The following PACC1 variants were observed in gnomAD, a reference collection of about 807,000 sequenced individuals.
PACC1 encodes the protein proton-activated chloride channel.
Under a neutral mutation model 39.7 loss-of-function variants are expected in PACC1, and 34 were observed. The ratio of observed to expected loss-of-function variants is 0.86; its 90% CI spans 0.65 to 1.14. The LOEUF (loss-of-function observed/expected upper bound fraction) is 1.14. Among genes scored for constraint, PACC1 ranks in the 50% most tolerant of loss-of-function variants. The pLI, the probability that PACC1 is intolerant of heterozygous loss-of-function variation, is 0.00. For missense variants in PACC1, 379 were observed against 436.4 expected (o/e 0.87, Z 1.17); for synonymous variants, 127 against 160.6 (o/e 0.79, Z 1.58).
At chr1:212,382,063 G>A (rs999295570) in intron 4 of PACC1, among the ~76,000 whole-genome samples, 3 of 151,078 alleles carry the variant, frequency 2.0e-5, no homozygotes, top group Admixed American at 6.6e-5. Context: ...TTTTGAGACG[G>A]TGTCTCGCTC....
At chr1:212,391,713 C>A (rs1661325450) in intron 2 of PACC1, among the ~76,000 whole-genome samples, 1 of 152,078 alleles carries the variant, frequency 6.6e-6, no homozygotes, top group Admixed American at 6.6e-5. Flanking sequence ...AGACGAATGG[C>A]TAACTAGAAT....
intron 6 of PACC1, among the ~76,000 whole-genome samples, chr1:212,376,443 C>T (rs758355741): frequency 1.3e-5 from 2 of 152,150 alleles, no homozygotes; most frequent in African/African-American, 2.4e-5. Flanking sequence ...AGTTTTCACC[C>T]TTTGGTTTCG....
intron 7 of PACC1, among the ~76,000 whole-genome samples, chr1:212,371,985 T>C (rs1438555226): frequency 6.6e-6 from 1 of 152,100 alleles, no homozygotes; most frequent in Non-Finnish European, 1.5e-5. Context: ...CATACTATCA[T>C]GATAAAAACT....
chr1:212,410,197 C>T, intron 2 of PACC1: 1 of 536,114 alleles, frequency 1.9e-6, no homozygotes, highest in Non-Finnish European at 3.4e-6. Context: ...TATGCAATGA[C>T]CTGACCTCAG....
At position 212,414,872 on chromosome 1, in the gene PACC1, A is replaced by C. The variant is rs986247546; in HGVS notation, c.-115T>G. 3.2e-5 allele frequency: 45 copies of C among 1,394,480 alleles called. No individual in the cohort carries two copies. Among genetic ancestry groups the C allele is most frequent in the Middle Eastern group, 1.8e-4 (1 of 5,522 alleles). 86.4% of individuals were successfully genotyped at this position (1,394,480 alleles called of 1,614,324 possible). A position where few individuals can be genotyped will look rare whatever the true frequency, so the allele number is the denominator to read the frequency against. ...GCTCCGCGAGGCGAAACCGGTCCGG[A>C]GGGGCGTCCCAGAGACCAGGCGTGG... On this transcript the variant is annotated 5_prime_UTR_variant, in exon 1 of 8. Transcript: ENST00000261455.
chr1:212,372,994 T>A (rs913858087), intron 7 of PACC1, among the ~76,000 whole-genome samples: 2 of 151,974 alleles, frequency 1.3e-5, no homozygotes, highest in Non-Finnish European at 1.5e-5. Flanking sequence ...TTTACAGAAG[T>A]AGAAAAAAAA....
intron 5 of PACC1, 96 bp from the exon 6 acceptor site, chr1:212,377,802 A>G (rs1660723857): frequency 2.3e-6 from 3 of 1,297,690 alleles, no homozygotes; most frequent in East Asian, 4.8e-5. Flanking sequence ...TGCTGGCACA[A>G]CCAGGATGCT....
intron 2 of PACC1, among the ~76,000 whole-genome samples, chr1:212,401,859 G>C (rs904058243): frequency 6.6e-6 from 1 of 151,890 alleles, no homozygotes; most frequent in African/African-American, 2.4e-5. Context: ...ATTTTTGTTA[G>C]AGACGGGGTT....
intron 2 of PACC1, among the ~76,000 whole-genome samples, chr1:212,390,347 C>T (rs1010157908): frequency 1.3e-5 from 2 of 149,716 alleles, no homozygotes; most frequent in East Asian, 2.0e-4. Context: ...CGCTTGAACC[C>T]GGGAGGCGGA....
chr1:212,370,302 C>CA (rs1253555318), intron 7 of PACC1, among the ~76,000 whole-genome samples: 1 of 152,052 alleles, frequency 6.6e-6, no homozygotes, highest in Admixed American at 6.5e-5. Flanking sequence ...CCGTCTCTAC[C>CA]AAAAAATACA....
chr1:212,371,476 A>T (rs756970085), intron 7 of PACC1, among the ~76,000 whole-genome samples: 1 of 152,130 alleles, frequency 6.6e-6, no homozygotes, highest in African/African-American at 2.4e-5. Flanking sequence ...TCCTGGATAC[A>T]TTGTCTACCA....
In PACC1 at chr1:212,398,752, T is replaced by A. The variant is rs112111673; in HGVS notation, c.134-11652A>T. On this transcript the variant is annotated intron_variant, in intron 2 of 7. Coordinates refer to ENST00000261455, the MANE Select transcript of PACC1 (RefSeq NM_018252.3). ...TTTCTGCTCCTTCATGGCTTTGCTA[T>A]CTGCCTTCTCTCCATGTTTCTCTCT... Among the ~76,000 whole-genome samples the A allele has an allele frequency of 6.8e-3, 1,033 of 152,346 alleles. 14 individuals are homozygous for A. Among genetic ancestry groups the A allele is most frequent in the African/African-American group, 0.024 (985 of 41,568 alleles).
chr1:212,400,709 G>C (rs939593637), intron 2 of PACC1, among the ~76,000 whole-genome samples: 1 of 152,200 alleles, frequency 6.6e-6, no homozygotes, highest in Non-Finnish European at 1.5e-5. Context: ...CAAACTGGAT[G>C]AATGTGCTTT....
intron 2 of PACC1, among the ~76,000 whole-genome samples, chr1:212,399,373 A>G (rs1265592261): frequency 2.6e-5 from 4 of 152,186 alleles, no homozygotes; most frequent in African/African-American, 9.7e-5. Flanking sequence ...TTCCCTACAC[A>G]ACTGTGAGCA....
chr1:212,371,761 A>G (rs1660469175), intron 7 of PACC1, among the ~76,000 whole-genome samples: 1 of 152,212 alleles, frequency 6.6e-6, no homozygotes, highest in Non-Finnish European at 1.5e-5. Flanking sequence ...TGATGAACAC[A>G]GATGCAAAAG....
intron 7 of PACC1, among the ~76,000 whole-genome samples, chr1:212,371,241 C>CAAAAAAA (rs1189603478): frequency 1.1e-5 from 1 of 88,800 alleles, no homozygotes; most frequent in Non-Finnish European, 2.1e-5. Context: ...GACTCCATTT[C>CAAAAAAA]AAAAAAAAAA....
intron 2 of PACC1, among the ~76,000 whole-genome samples, chr1:212,398,555 C>T (rs546497152): frequency 2.0e-5 from 3 of 152,270 alleles, no homozygotes; most frequent in Admixed American, 6.5e-5. Context: ...TCTACAGGTA[C>T]GAGGATAAGT....
intron 1 of PACC1, among the ~76,000 whole-genome samples, chr1:212,411,170 T>C (rs1222353654): frequency 6.6e-6 from 1 of 152,200 alleles, no homozygotes; most frequent in Non-Finnish European, 1.5e-5. Flanking sequence ...CCACAATATT[T>C]TCCATGGCCA....
intron 4 of PACC1, among the ~76,000 whole-genome samples, chr1:212,381,307 G>A (rs1660870873): frequency 6.6e-6 from 1 of 152,140 alleles, no homozygotes; most frequent in Admixed American, 6.5e-5. Flanking sequence ...CATCCTTCTT[G>A]CAAACTTTTG....
Sources: allele counts gnomAD v4.1 joint callset (sites outside exome capture counted in the v4.1 genomes callset), GRCh38; gene constraint gnomAD v4.1.1; transcripts MANE v1.5; gene names NCBI Gene and HGNC (gene_info 2026-07-23, HGNC 2026-07-21).